The following RBM20 variants were observed in gnomAD, a reference collection of about 807,000 sequenced individuals.
The protein encoded by RBM20 is RNA binding motif protein 20.
RBM20 carries 51 observed loss-of-function variants against 110.1 expected under a neutral mutation model. That is an observed-to-expected ratio of 0.46 (90% confidence interval 0.37 to 0.59). The LOEUF is 0.59. Among genes scored for constraint, RBM20 ranks in the 20% least tolerant of loss-of-function variants. RBM20 has a pLI of 0.00. For missense variants in RBM20, 1,512 were observed against 1,574.9 expected, an observed-to-expected ratio of 0.96 and a Z score of 0.68; for synonymous variants, 589 against 618.2, an observed-to-expected ratio of 0.95 and a Z score of 0.70.
chr10:110,771,747 A>AG (rs940056543), intron 1 of RBM20, among the ~76,000 whole-genome samples: 8 of 152,164 alleles, frequency 5.3e-5, no homozygotes, highest in African/African-American at 1.9e-4. Context: ...ATCTAGGTGA[A>AG]GGGGAGTAGG....
At chr10:110,714,159 A>G (rs1862982020) in intron 1 of RBM20, among the ~76,000 whole-genome samples, 1 of 152,158 alleles carries the variant, frequency 6.6e-6, no homozygotes, top group Non-Finnish European at 1.5e-5. Context: ...GAGCCTTGGC[A>G]TAGTTGGGAT....
chr10:110,674,232 T>C (rs1300260498), intron 1 of RBM20, among the ~76,000 whole-genome samples: 1 of 152,240 alleles, frequency 6.6e-6, no homozygotes, highest in Non-Finnish European at 1.5e-5. Flanking sequence ...GAAGTCATTT[T>C]TGAGTTATAG....
intron 1 of RBM20, among the ~76,000 whole-genome samples, chr10:110,780,161 T>C (rs1590673355): frequency 6.6e-6 from 1 of 152,200 alleles, no homozygotes; most frequent in South Asian, 2.1e-4. Context: ...ATGTCCTAAA[T>C]GTTACATAAT....
intron 9 of RBM20, among the ~76,000 whole-genome samples, chr10:110,817,119 C>T (rs1169681373): frequency 2.6e-5 from 4 of 152,096 alleles, no homozygotes; most frequent in African/African-American, 4.8e-5. Flanking sequence ...AGTGGCAGGC[C>T]CAGGTGACTA....
At chr10:110,820,198 G>C in intron 10 of RBM20, 22 bp downstream of exon 10, 1 of 1,503,176 alleles carries the variant, frequency 6.7e-7, no homozygotes, top group Non-Finnish European at 9.1e-7. Context: ...TTCAGATTCT[G>C]CACTTCTGCC....
At position 110,792,443 on chromosome 10, in the gene RBM20, G is replaced by A. The variant is rs368208742; in HGVS notation, c.1528-5065G>A. ...ATGCCAGGCATTGCCCCAAAGCACC[G>A]TACATTCACGGTGGCATTTCATCTT... On this transcript the variant is annotated intron_variant, in intron 5 of 13. Transcript: ENST00000369519. Among the ~76,000 whole-genome samples the A allele has an allele frequency of 3.1e-4, 47 of 152,268 alleles. 1 individual carries two copies. Among genetic ancestry groups the A allele is most frequent in the African/African-American group, 4.3e-4 (18 of 41,546 alleles).
At chr10:110,800,811 G>T (rs1844612363) in intron 7 of RBM20, among the ~76,000 whole-genome samples, 1 of 152,138 alleles carries the variant, frequency 6.6e-6, no homozygotes, top group African/African-American at 2.4e-5. Flanking sequence ...TACAGATCTT[G>T]CTTCTTTCAT....
chr10:110,800,475 C>CT (rs1362416008), intron 7 of RBM20, among the ~76,000 whole-genome samples: 8 of 152,128 alleles, frequency 5.3e-5, no homozygotes, highest in Non-Finnish European at 8.8e-5. Context: ...TTCTTTCCTT[C>CT]TTTTTTGTTT....
rs1267811317 is a variant in RBM20, at chr10:110,781,834, C to T, written c.1225C>T (p.His409Tyr). Residue 409 changes from histidine (H) to tyrosine (Y), a missense_variant, in exon 2 of 14, where the codon CAC becomes TAC. Physicochemically the swap from His to Tyr is moderately conservative, Grantham distance 83. This residue lies in a region of RBM20 where 1,149 missense variants were observed against 1,169.4 expected (regional missense o/e 0.98). Coordinates refer to ENST00000369519, the MANE Select transcript of RBM20 (RefSeq NM_001134363.3). ...LNDFHGVAPL[H>Y]LPHICSICDK... is the part of the protein sequence containing the mutation. ...CGACTTTCACGGTGTGGCCCCCCTC[C>T]ACTTGCCGCATATCTGTAGCATCTG... The T allele has an allele frequency of 3.2e-6, 5 of 1,551,790 alleles. 1 individual carries two copies. The highest frequency in any genetic ancestry group is 3.5e-6 in the Non-Finnish European group (4 of 1,147,014).
chr10:110,685,225 G>A (rs1862485598), intron 1 of RBM20, among the ~76,000 whole-genome samples: 1 of 152,176 alleles, frequency 6.6e-6, no homozygotes, highest in Non-Finnish European at 1.5e-5. Context: ...TTTTGAAAGC[G>A]TATCGCTGAT....
In RBM20 at chr10:110,644,595, G is replaced by GCCC; in HGVS notation, c.143_145dup (p.Pro48dup). 1 of 1,518,396 alleles carries GCCC rather than the reference G, an allele frequency of 6.6e-7. No homozygotes were observed. Among genetic ancestry groups the GCCC allele is most frequent in the Non-Finnish European group, 8.8e-7 (1 of 1,136,502 alleles). 94.1% of individuals were successfully genotyped at this position (1,518,396 alleles called of 1,614,324 possible). A position where few individuals can be genotyped will look rare whatever the true frequency, so the allele number is the denominator to read the frequency against. On this transcript the variant is annotated inframe_insertion, in exon 1 of 14. Coordinates refer to ENST00000369519, the MANE Select transcript of RBM20 (RefSeq NM_001134363.3). This position sits in a 1 kb window ranked among gnomAD's most constrained non-coding sequence, Gnocchi z 4.3. ...GAGGGATGCAGCAGCCGCCGCCGCC[G>GCCC]CCCCAGCCACCGCCCCCGCCCCAAG...
intron 1 of RBM20, among the ~76,000 whole-genome samples, chr10:110,735,515 T>C (rs1047776496): frequency 8.5e-5 from 13 of 152,190 alleles, no homozygotes; most frequent in African/African-American, 3.1e-4. Flanking sequence ...TTATAATGTG[T>C]TTTCCGAGCC....
In RBM20 at chr10:110,676,543, G is replaced by A. The variant is rs185350953; in HGVS notation, c.191+31898G>A. On this transcript the variant is annotated intron_variant, in intron 1 of 13. Coordinates refer to ENST00000369519, the MANE Select transcript of RBM20 (RefSeq NM_001134363.3). The stretch of plus-strand genomic sequence containing the variant: ...ACATCACTTAGTACTTCTTACACTT[G>A]CGTTCCTGCACATTTCAAACTGTTC... Among the ~76,000 whole-genome samples the A allele has an allele frequency of 3.2e-4, 48 of 152,298 alleles. 1 individual carries two copies. Among genetic ancestry groups the A allele is most frequent in the African/African-American group, 8.7e-4 (36 of 41,544 alleles).
chr10:110,823,431 C>CTTTTTTTTTTTT (rs201149204), intron 11 of RBM20, 49 bp from the exon 12 acceptor site: 11 of 1,303,072 alleles, frequency 8.4e-6, no homozygotes, highest in African/African-American at 6.0e-5. Context: ...TGTTGTATTT[C>CTTTTTTTTTTTT]TTTTTTTTTT....
At chr10:110,772,637 C>T (rs560478118) in intron 1 of RBM20, among the ~76,000 whole-genome samples, 81 of 152,280 alleles carry the variant, frequency 5.3e-4, no homozygotes, top group African/African-American at 1.9e-3. Flanking sequence ...TGTGTATGTA[C>T]ACTCTATGAT....
At chr10:110,762,727 T>G (rs1844022812) in intron 1 of RBM20, among the ~76,000 whole-genome samples, 1 of 152,174 alleles carries the variant, frequency 6.6e-6, no homozygotes, top group African/African-American at 2.4e-5. Flanking sequence ...GTGTTTGTTT[T>G]TAACCACTGC....
Position 110,837,597 on chromosome 10 carries a change from A to G in RBM20, c.*1619A>G, listed in dbSNP as rs927932901. The G allele has an allele frequency of 3.3e-5, 5 of 152,182 alleles. No individual in the cohort carries two copies. The highest frequency in any genetic ancestry group is 5.9e-5 in the Non-Finnish European group (4 of 68,080). 9.4% of individuals were successfully genotyped at this position (152,182 alleles called of 1,614,324 possible). On this transcript the variant is annotated 3_prime_UTR_variant, in exon 14 of 14. Transcript: ENST00000369519. ...TTTTTTTCATTTTCCTTTTTATGGC[A>G]TGTGAGAGCATACTGTACATTCTGT... is the stretch of plus-strand genomic sequence containing the variant.
chr10:110,787,493 T>C (rs923496373), intron 5 of RBM20, among the ~76,000 whole-genome samples: 3 of 152,218 alleles, frequency 2.0e-5, no homozygotes, highest in African/African-American at 7.2e-5. Context: ...CTGCTGGCCA[T>C]AGGATTTTGT....
chr10:110,818,231 C>T (rs529272865), intron 9 of RBM20, among the ~76,000 whole-genome samples: 16 of 133,080 alleles, frequency 1.2e-4, no homozygotes, highest in South Asian at 2.6e-4. Context: ...GCGGAGATTG[C>T]GGTGAGCCGA....
Sources: gnomAD v4.1 joint callset for allele counts (sites outside exome capture counted in the v4.1 genomes callset) on GRCh38, gnomAD v4.1.1 for gene constraint, gnomAD v4.1.1 regional missense constraint, Gnocchi (gnomAD v3.1) non-coding constraint, MANE v1.5 for transcripts, NCBI Gene and HGNC (gene_info 2026-07-23, HGNC 2026-07-21) for gene names.